TBL1X: variants seen among roughly 807,000 people sequenced by gnomAD.
The protein encoded by TBL1X is F-box-like/WD repeat-containing protein TBL1X.
TBL1X carries 10 observed loss-of-function variants against 50.7 expected under a neutral mutation model. The observed-to-expected ratio is 0.20, with a 90% CI of 0.12 to 0.33. The LOEUF (loss-of-function observed/expected upper bound fraction) is 0.33. Among genes scored for constraint, TBL1X ranks in the 10% least tolerant of loss-of-function variants. The pLI is 1.00. For synonymous variants in TBL1X, 190 were observed against 214.7 expected (o/e 0.88, Z 1.01); for missense variants, 340 against 504.4 (o/e 0.67, Z 3.12).
chrX:9,706,602 G>C (rs187226447), intron 13 of TBL1X, among the ~76,000 whole-genome samples: 3 of 111,401 alleles, frequency 2.7e-5, no homozygotes, highest in Non-Finnish European at 5.6e-5. Flanking sequence ...ACAACAATGG[G>C]AACAACAGCT....
At chrX:9,558,834 G>T (rs757816207) in intron 2 of TBL1X, among the ~76,000 whole-genome samples, 1 of 111,990 alleles carries the variant, frequency 8.9e-6, no homozygotes, top group African/African-American at 3.2e-5. Context: ...CAAGCTGCAA[G>T]GAGGTCTGTT....
At chrX:9,526,830 G>T (rs1007984734) in intron 2 of TBL1X, among the ~76,000 whole-genome samples, 2 of 111,994 alleles carry the variant, frequency 1.8e-5, no homozygotes, top group African/African-American at 6.5e-5. Flanking sequence ...AGGTAGTCGC[G>T]TTGGGGAAAG....
intron 2 of TBL1X, among the ~76,000 whole-genome samples, chrX:9,594,528 A>G (rs2082518275): frequency 8.9e-6 from 1 of 111,996 alleles, no homozygotes; most frequent in Non-Finnish European, 1.9e-5. Flanking sequence ...TCTTCACAGA[A>G]CTGTCATTTA....
At chrX:9,570,685 T>G (rs1415225936) in intron 2 of TBL1X, among the ~76,000 whole-genome samples, 9 of 98,445 alleles carry the variant, frequency 9.1e-5, no homozygotes, top group Admixed American at 3.3e-4. Flanking sequence ...TTTGTTTTTT[T>G]TTTTTTTTTT....
intron 2 of TBL1X, among the ~76,000 whole-genome samples, chrX:9,589,425 TTTATAGTCGGGATAGAAA>T (rs2082487828): frequency 9.2e-6 from 1 of 108,902 alleles, no homozygotes; most frequent in Non-Finnish European, 1.9e-5. Flanking sequence ...GGAACTCTTG[TTTATAGTCGGGATAGAAA>T]TTACACAAAA....
rs189064708 is a variant in TBL1X, at chrX:9,592,425, G to A, written c.-130-47848G>A. ...TATAGTGGGTCAAAGAGATGACCAC[G>A]TTACTAAAACTTTCATGTCTAGTTG... On this transcript the variant is annotated intron_variant, in intron 2 of 17. Transcript: ENST00000645353. Among the ~76,000 whole-genome samples the A allele has an allele frequency of 1.4e-4, 16 of 111,833 alleles. No individual in the cohort carries two copies. The East Asian group carries it at 4.2e-3, about 29-fold the overall frequency.
intron 1 of TBL1X, among the ~76,000 whole-genome samples, chrX:9,486,585 A>ACACACCC (rs1412178759): frequency 1.1e-5 from 1 of 89,654 alleles, no homozygotes; most frequent in Admixed American, 1.1e-4. Flanking sequence ...ATCCCAGAAC[A>ACACACCC]CACACCCCCC....
rs199959439 is a variant in TBL1X at position 9,571,500 on chromosome X, T to TC, written c.-130-68769dup. Among the ~76,000 whole-genome samples, 399 of 111,806 alleles carry TC rather than the reference T, an allele frequency of 3.6e-3. 2 individuals carry two copies. Among genetic ancestry groups the TC allele is most frequent in the African/African-American group, 0.012 (377 of 30,768 alleles). On this transcript the variant is annotated intron_variant, in intron 2 of 17. Coordinates refer to ENST00000645353, the MANE Select transcript of TBL1X (RefSeq NM_005647.4). ...AGGGATCCCCCAATGTGAAAAGAAT[T>TC]CCCCGAGAAAAGACGACCTGAAAGA... is the stretch of plus-strand genomic sequence containing the variant.
intron 2 of TBL1X, among the ~76,000 whole-genome samples, chrX:9,556,317 C>T (rs1209575622): frequency 9.0e-6 from 1 of 110,871 alleles, no homozygotes. Context: ...GCTGCTGTAA[C>T]AAACTACCAC....
intron 2 of TBL1X, among the ~76,000 whole-genome samples, chrX:9,588,763 C>T (rs1018717754): frequency 9.1e-6 from 1 of 109,628 alleles, no homozygotes; most frequent in Non-Finnish European, 1.9e-5. Context: ...CCACCACGCC[C>T]GGCTAATTTT....
At chrX:9,508,636 G>A (rs1279305388) in intron 2 of TBL1X, among the ~76,000 whole-genome samples, 2 of 111,855 alleles carry the variant, frequency 1.8e-5, no homozygotes, top group Non-Finnish European at 3.8e-5. Context: ...ATGCATGCAC[G>A]TGTATGTTTC....
chrX:9,615,770 G>A (rs2146563202), intron 2 of TBL1X, among the ~76,000 whole-genome samples: 1 of 111,964 alleles, frequency 8.9e-6, no homozygotes, highest in East Asian at 2.8e-4. Context: ...CATGGTCTTG[G>A]CAGGTATCTT....
intron 2 of TBL1X, among the ~76,000 whole-genome samples, chrX:9,616,946 T>A (rs763190353): frequency 1.8e-5 from 2 of 111,738 alleles, no homozygotes; most frequent in East Asian, 5.6e-4. Context: ...ATTATTTCCT[T>A]ATACTTATGG....
chrX:9,507,747 T>C (rs1025367917), intron 2 of TBL1X, among the ~76,000 whole-genome samples: 13 of 111,676 alleles, frequency 1.2e-4, no homozygotes, highest in Admixed American at 1.1e-3. Context: ...AACAGACATA[T>C]AGACCAGTGG....
intron 2 of TBL1X, among the ~76,000 whole-genome samples, chrX:9,571,688 CAGCTTTCCA>C (rs2082387286): frequency 8.9e-6 from 1 of 112,200 alleles, no homozygotes; most frequent in African/African-American, 3.2e-5. Context: ...AGGACTTTCC[CAGCTTTCCA>C]AGCTGAAACT....
At chrX:9,587,777 C>A (rs955370450) in intron 2 of TBL1X, among the ~76,000 whole-genome samples, 7 of 110,250 alleles carry the variant, frequency 6.3e-5, no homozygotes, top group Non-Finnish European at 1.3e-4. Flanking sequence ...GAAGAAACAC[C>A]CACCCAGTGG....
intron 2 of TBL1X, among the ~76,000 whole-genome samples, chrX:9,580,707 C>T (rs981408174): frequency 8.1e-5 from 9 of 110,749 alleles, no homozygotes; most frequent in African/African-American, 3.0e-4. Flanking sequence ...AGCAAGGGTG[C>T]AGGGGGAAGG....
At chrX:9,637,716 G>C (rs1039752250) in intron 2 of TBL1X, 1 of 111,698 alleles carries the variant, frequency 9.0e-6, no homozygotes, top group Non-Finnish European at 1.9e-5. Context: ...AAAGGCAGGC[G>C]GTAGTCCCAG....
At chrX:9,627,799 A>G (rs1472388891) in intron 2 of TBL1X, among the ~76,000 whole-genome samples, 2 of 112,335 alleles carry the variant, frequency 1.8e-5, no homozygotes, top group African/African-American at 6.5e-5. Context: ...TTCAAATCCT[A>G]CTACTTGTTA....
Sources: allele counts gnomAD v4.1 joint callset (sites outside exome capture counted in the v4.1 genomes callset), GRCh38; gene constraint gnomAD v4.1.1; transcripts MANE v1.5; gene names NCBI Gene and HGNC (gene_info 2026-07-23, HGNC 2026-07-21).